DYRK1A: variants seen among roughly 807,000 people sequenced by gnomAD.
The protein encoded by DYRK1A is dual specificity tyrosine-phosphorylation-regulated kinase 1A.
DYRK1A carries 9 observed loss-of-function variants against 79.7 expected under a neutral mutation model. The observed-to-expected ratio is 0.11, with a 90% CI of 0.07 to 0.20. The LOEUF is 0.20. Ranked by LOEUF, DYRK1A falls within the 10% of genes least tolerant of loss-of-function variation. The pLI is 1.00. For missense variants in DYRK1A, 622 were observed against 956.0 expected (o/e 0.65, Z 4.61); for synonymous variants, 349 against 329.7 (o/e 1.06, Z -0.63).
At chr21:37,379,227 A>G (rs766473754) in intron 1 of DYRK1A, among the ~76,000 whole-genome samples, 5 of 152,058 alleles carry the variant, frequency 3.3e-5, no homozygotes, top group Non-Finnish European at 7.4e-5. Flanking sequence ...GTGACACTGT[A>G]AGAAGGAGGG....
chr21:37,456,824 A>C (rs925017794), intron 2 of DYRK1A, among the ~76,000 whole-genome samples: 11 of 152,108 alleles, frequency 7.2e-5, no homozygotes, highest in Non-Finnish European at 1.6e-4. Flanking sequence ...TGTGGGTGTA[A>C]GGGCATACCG....
At chr21:37,450,960 T>G (rs2051427277) in intron 2 of DYRK1A, among the ~76,000 whole-genome samples, 1 of 152,200 alleles carries the variant, frequency 6.6e-6, no homozygotes, top group African/African-American at 2.4e-5. Flanking sequence ...AAGACTGTAA[T>G]GAAGCTACAA....
chr21:37,375,240 G>A (rs372850716), intron 1 of DYRK1A: 7 of 152,330 alleles, frequency 4.6e-5, no homozygotes, highest in African/African-American at 1.4e-4. Flanking sequence ...TAAAGGTTAA[G>A]TGAATATTTA....
chr21:37,497,491 CTT>C (rs1183981419), intron 9 of DYRK1A, among the ~76,000 whole-genome samples: 1 of 152,130 alleles, frequency 6.6e-6, no homozygotes, highest in Non-Finnish European at 1.5e-5. Context: ...TAACCAAAAA[CTT>C]AGTCTGGGAA....
At chr21:37,441,787 A>G (rs2051111980) in intron 2 of DYRK1A, among the ~76,000 whole-genome samples, 1 of 152,042 alleles carries the variant, frequency 6.6e-6, no homozygotes, top group Non-Finnish European at 1.5e-5. Context: ...GAATTCCTGT[A>G]TTCTTATCCA....
chr21:37,449,492 A>G (rs570497873), intron 2 of DYRK1A, among the ~76,000 whole-genome samples: 8 of 152,226 alleles, frequency 5.3e-5, no homozygotes, highest in Admixed American at 2.6e-4. Context: ...CGCAATTTTT[A>G]TGGGTCAGAC....
chr21:37,457,037 C>CTTACTTATTTAT (rs1035437095), intron 2 of DYRK1A, among the ~76,000 whole-genome samples: 432 of 59,226 alleles, frequency 7.3e-3, no homozygotes, highest in Non-Finnish European at 0.011. Context: ...TACTTACTTA[C>CTTACTTATTTAT]TTATTTATTT....
Position 37,484,571 on chromosome 21 carries a change from C to T in DYRK1A, c.490-1896C>T, listed in dbSNP as rs146348790. ...CTCGAGCTCCTGACCTCAGGTGATC[C>T]GCCTGCCTTGGCCTCCCAAATCATG... On this transcript the variant is annotated intron_variant, in intron 5 of 11. Transcript: ENST00000647188. Among the ~76,000 whole-genome samples the T allele has an allele frequency of 9.6e-3, 1,465 of 152,104 alleles. 22 individuals are homozygous for T. Among genetic ancestry groups the T allele is most frequent in the African/African-American group, 0.034 (1,401 of 41,480 alleles).
intron 1 of DYRK1A, among the ~76,000 whole-genome samples, chr21:37,395,970 C>T (rs2148393781): frequency 6.6e-6 from 1 of 152,260 alleles, no homozygotes; most frequent in South Asian, 2.1e-4. Flanking sequence ...TTTTATATGC[C>T]ACACAAAACA....
intron 1 of DYRK1A, among the ~76,000 whole-genome samples, chr21:37,391,175 G>C (rs1165453073): frequency 6.6e-6 from 1 of 152,212 alleles, no homozygotes; most frequent in Non-Finnish European, 1.5e-5. Flanking sequence ...ACCTATGTCT[G>C]AATGTTAGGT....
chr21:37,452,730 C>T (rs1284981792), intron 2 of DYRK1A, among the ~76,000 whole-genome samples: 2 of 145,770 alleles, frequency 1.4e-5, no homozygotes, highest in Non-Finnish European at 3.0e-5. Context: ...TTCTTCAGAA[C>T]ACATCATTTT....
At chr21:37,398,334 C>G (rs1365459824) in intron 1 of DYRK1A, among the ~76,000 whole-genome samples, 1 of 149,274 alleles carries the variant, frequency 6.7e-6, no homozygotes, top group Non-Finnish European at 1.5e-5. Context: ...AGAGTGAGAT[C>G]CTGTCTCTTA....
At chr21:37,428,782 TC>T (rs1277049836) in intron 2 of DYRK1A, 1 of 152,354 alleles carries the variant, frequency 6.6e-6, no homozygotes, top group East Asian at 1.9e-4. Context: ...TAAAAAGTTA[TC>T]ATTGCTTAAG....
At chr21:37,476,183 T>C (rs758622496) in intron 3 of DYRK1A, among the ~76,000 whole-genome samples, 4 of 152,186 alleles carry the variant, frequency 2.6e-5, no homozygotes. Context: ...GTGATTTTCC[T>C]GTTCTTTAAC....
chr21:37,417,529 C>CTTTTTTTTTTTTTT (rs3216074), intron 1 of DYRK1A, among the ~76,000 whole-genome samples: 8 of 44,068 alleles, frequency 1.8e-4, no homozygotes, highest in East Asian at 1.3e-3. Context: ...TTTTCTTTTT[C>CTTTTTTTTTTTTTT]TTTTTTTTTT....
rs568448593 is a variant in DYRK1A at position 37,369,917 on chromosome 21, G to A, written c.-77+2289G>A. Among the ~76,000 whole-genome samples the A allele has an allele frequency of 2.6e-5, 4 of 152,318 alleles. No homozygotes were observed. In the South Asian group the frequency reaches 8.3e-4, roughly 32 times the overall value. ...TAAAAATAAGTCCAGTTTTTTAGAGGCAGTAACATTTAAGATAATTTAAAA... is the reference window on the plus strand; with the variant it reads ...TAAAAATAAGTCCAGTTTTTTAGAGACAGTAACATTTAAGATAATTTAAAA... On this transcript the variant is annotated intron_variant, in intron 1 of 11. Coordinates refer to ENST00000647188, the MANE Select transcript of DYRK1A (RefSeq NM_001347721.2).
intron 5 of DYRK1A, 53 bp downstream of exon 5, chr21:37,480,879 A>T: frequency 6.9e-7 from 1 of 1,442,986 alleles, no homozygotes; most frequent in Non-Finnish European, 9.4e-7. Context: ...CTTCTTAGTG[A>T]ATCTTGTTGT....
At position 37,415,514 on chromosome 21, in the gene DYRK1A, G is replaced by GA. The variant is rs1166970309; in HGVS notation, c.-76-4784dup. Reference sequence around the variant, plus strand: ...GGATCTCACCCTGTTGCCCAGGCTGGAGTGCAGTGGCATGATCAGGGCTCA... The same window carrying GA: ...GGATCTCACCCTGTTGCCCAGGCTGGAAGTGCAGTGGCATGATCAGGGCTCA... On this transcript the variant is annotated intron_variant, in intron 1 of 11. Transcript: ENST00000647188. 2.0e-5 allele frequency: 3 copies of GA among 152,252 alleles called. No homozygotes were observed. In the East Asian group the frequency reaches 5.8e-4, roughly 29 times the overall value. 9.4% of individuals were successfully genotyped at this position (152,252 alleles called of 1,614,324 possible).
At chr21:37,497,377 T>C (rs1031825982) in intron 9 of DYRK1A, among the ~76,000 whole-genome samples, 2 of 152,214 alleles carry the variant, frequency 1.3e-5, no homozygotes, top group Non-Finnish European at 1.5e-5. Context: ...TGCTAAATTA[T>C]GCCTATTCCC....
Sources: gnomAD v4.1 joint callset for allele counts (sites outside exome capture counted in the v4.1 genomes callset) on GRCh38, gnomAD v4.1.1 for gene constraint, MANE v1.5 for transcripts, NCBI Gene and HGNC (gene_info 2026-07-23, HGNC 2026-07-21) for gene names.